Variants in MGST1 observed in about 807,000 individuals in gnomAD.
MGST1 encodes the protein microsomal glutathione S-transferase 1, also known as glutathione S-transferase 12.
In MGST1, 5 loss-of-function variants were observed where a neutral mutation model predicts 8.9. The observed-to-expected ratio is 0.56, with a 90% CI of 0.29 to 1.19. The LOEUF is 1.19. Ranked by LOEUF, MGST1 falls within the 50% of genes most tolerant of loss-of-function variation. The pLI, the probability that MGST1 is intolerant of heterozygous loss-of-function variation, is 0.08. For missense variants in MGST1, 182 were observed against 187.4 expected (o/e 0.97, Z 0.17); for synonymous variants, 54 against 67.8 (o/e 0.80, Z 1.00).
intron 1 of MGST1, among the ~76,000 whole-genome samples, chr12:16,407,528 A>G (rs534780705): frequency 6.6e-6 from 1 of 152,352 alleles, no homozygotes; most frequent in Non-Finnish European, 1.5e-5. Context: ...AACTAAAAGC[A>G]GAACTACCAT....
At chr12:16,514,126 G>T in intron 4 of MGST1, 5 of 366,392 alleles carry the variant, frequency 1.4e-5, no homozygotes, top group South Asian at 4.9e-5. Context: ...GCCTACCAAG[G>T]CTTTGCCAGT....
At chr12:16,459,669 G>A (rs1256252596) in intron 4 of MGST1, among the ~76,000 whole-genome samples, 3 of 152,066 alleles carry the variant, frequency 2.0e-5, no homozygotes, top group African/African-American at 7.2e-5. Context: ...CAAGGGCCAG[G>A]GAGTAAAGTA....
At chr12:16,567,763 T>C (rs532856603) in intron 4 of MGST1, among the ~76,000 whole-genome samples, 3 of 152,156 alleles carry the variant, frequency 2.0e-5, no homozygotes, top group Admixed American at 1.3e-4. Context: ...AAGTTGGTAT[T>C]TTAAGAGAAT....
At chr12:16,372,771 A>C (rs1263249190) in intron 3 of MGST1, among the ~76,000 whole-genome samples, 1 of 151,464 alleles carries the variant, frequency 6.6e-6, no homozygotes, top group African/African-American at 2.4e-5. Context: ...AGATCAGCCT[A>C]AGTGCCCATC....
chr12:16,585,936 C>A lies in MGST1; in HGVS notation n.483-3592C>A, dbSNP rs12366554. ...AATCTTGCTTATCCTAAGATCTGGGCGACATTTCACCAGTGAGGCGGTAGG... is the reference window on the plus strand; with the variant it reads ...AATCTTGCTTATCCTAAGATCTGGGAGACATTTCACCAGTGAGGCGGTAGG... On this transcript the variant is annotated intron_variant and non_coding_transcript_variant, in intron 4 of 4. Transcript: ENST00000538857. The surrounding 1 kb of genome is among the most constrained non-coding windows in gnomAD (Gnocchi z 4.7). 6.6e-6 allele frequency among the ~76,000 whole-genome samples: 1 copy of A among 152,048 alleles called. No homozygotes were observed. Among genetic ancestry groups the A allele is most frequent in the Non-Finnish European group, 1.5e-5 (1 of 68,008 alleles).
intron 1 of MGST1, among the ~76,000 whole-genome samples, chr12:16,421,605 G>A (rs944859239): frequency 1.3e-5 from 2 of 152,080 alleles, no homozygotes; most frequent in African/African-American, 4.8e-5. Context: ...CCTCACTTTT[G>A]CCTTTACAAG....
intron 3 of MGST1, among the ~76,000 whole-genome samples, chr12:16,372,642 A>T (rs1365048744): frequency 6.6e-6 from 1 of 152,012 alleles, no homozygotes; most frequent in East Asian, 1.9e-4. Flanking sequence ...AATTAAAAAT[A>T]GAATTACCAT....
chr12:16,357,683 G>C lies in MGST1; in HGVS notation c.205G>C (p.Val69Leu). 6 of 1,613,598 alleles carry C rather than the reference G, an allele frequency of 3.7e-6. No homozygotes were observed. The highest frequency in any genetic ancestry group is 4.2e-6 in the Non-Finnish European group (5 of 1,179,694). The change falls in exon 3 of 4, where the codon GTA becomes CTA. Residue 69 changes from valine (V) to leucine (L), a missense_variant. Transcript: ENST00000396210. ...AKKYLRTDDR[V>L]ERVRRAHLND... ...GAAGTATCTTCGAACAGATGACAGA[G>C]TAGAACGTGTACGCAGGTAAACCAG...
At chr12:16,541,882 C>T (rs1017976686) in intron 4 of MGST1, among the ~76,000 whole-genome samples, 1 of 152,136 alleles carries the variant, frequency 6.6e-6, no homozygotes, top group African/African-American at 2.4e-5. Flanking sequence ...TTGCTTTTGA[C>T]TACATGTAAC....
At chr12:16,444,668 G>A (rs1941065609) in intron 4 of MGST1, among the ~76,000 whole-genome samples, 1 of 151,900 alleles carries the variant, frequency 6.6e-6, no homozygotes, top group Admixed American at 6.6e-5. Context: ...ATAGGCATAA[G>A]CTGAAGGGGG....
chr12:16,513,567 G>T lies in MGST1; in HGVS notation n.483-75961G>T. On this transcript the variant is annotated intron_variant and non_coding_transcript_variant, in intron 4 of 4. Coordinates refer to the MGST1 transcript ENST00000538857. The surrounding 1 kb of genome is among the most constrained non-coding windows in gnomAD (Gnocchi z 4.2). ...TTAAGAGGGACACCAATAGCAAAAAGATGAATCTGGGAGTTAGTGCCTACA... is the reference window on the plus strand; with the variant it reads ...TTAAGAGGGACACCAATAGCAAAAATATGAATCTGGGAGTTAGTGCCTACA... 1 of 491,374 alleles carries T rather than the reference G, an allele frequency of 2.0e-6. No individual in the cohort carries two copies. The highest frequency in any genetic ancestry group is 5.9e-5 in the East Asian group (1 of 16,850). 30.4% of individuals were successfully genotyped at this position (491,374 alleles called of 1,614,324 possible). A position where few individuals can be genotyped will look rare whatever the true frequency, so the allele number is the denominator to read the frequency against.
At chr12:16,573,077 A>G (rs1942872387) in intron 4 of MGST1, among the ~76,000 whole-genome samples, 1 of 152,118 alleles carries the variant, frequency 6.6e-6, no homozygotes, top group Admixed American at 6.5e-5. Flanking sequence ...GGAAAGAAAA[A>G]ATACCTTTTT....
chr12:16,551,030 T>TAAA (rs1212872690), intron 4 of MGST1: 4 of 497,078 alleles, frequency 8.0e-6, no homozygotes, highest in Non-Finnish European at 1.1e-5. Flanking sequence ...TCTTTAATAA[T>TAAA]AAACATTCAA....
At chr12:16,488,873 C>G (rs1343836689) in intron 4 of MGST1, among the ~76,000 whole-genome samples, 2 of 152,058 alleles carry the variant, frequency 1.3e-5, no homozygotes, top group African/African-American at 4.8e-5. Flanking sequence ...CTCCAAGAGG[C>G]TGAGGCAGCA....
chr12:16,400,032 C>T, intron 1 of MGST1: 1 of 1,570,140 alleles, frequency 6.4e-7, no homozygotes, highest in Non-Finnish European at 8.8e-7. Flanking sequence ...CCCTAAAAGG[C>T]ACTTCAAATT....
At chr12:16,462,697 T>G (rs1426733956) in intron 4 of MGST1, among the ~76,000 whole-genome samples, 1 of 152,204 alleles carries the variant, frequency 6.6e-6, no homozygotes, top group African/African-American at 2.4e-5. Context: ...TTATCTTGAT[T>G]TGATCTTCAT....
chr12:16,554,908 C>T (rs1371411000), intron 4 of MGST1, among the ~76,000 whole-genome samples: 1 of 152,146 alleles, frequency 6.6e-6, no homozygotes, highest in Non-Finnish European at 1.5e-5. Flanking sequence ...TCCGCCCGCC[C>T]GCCTCGGCCT....
At chr12:16,422,860 T>C (rs1940850383) in intron 1 of MGST1, among the ~76,000 whole-genome samples, 1 of 152,164 alleles carries the variant, frequency 6.6e-6, no homozygotes. Context: ...CTAATTATTT[T>C]GGGTGGTTCT....
At chr12:16,348,662 G>A (rs1939308075) in intron 1 of MGST1, among the ~76,000 whole-genome samples, 2 of 152,016 alleles carry the variant, frequency 1.3e-5, no homozygotes, top group Admixed American at 6.6e-5. Context: ...CAGTTTTCCT[G>A]GGGTCCCAGC....
Sources: allele counts gnomAD v4.1 joint callset (sites outside exome capture counted in the v4.1 genomes callset), GRCh38; gene constraint gnomAD v4.1.1; non-coding constraint Gnocchi (gnomAD v3.1); transcripts MANE v1.5; gene names NCBI Gene and HGNC (gene_info 2026-07-23, HGNC 2026-07-21).